The following SLC12A8 variants were observed in gnomAD, a reference collection of about 807,000 sequenced individuals.
SLC12A8 encodes the protein cation-chloride cotransporter 9.
In SLC12A8, 69 loss-of-function variants were observed where a neutral mutation model predicts 75.6. The observed-to-expected ratio is 0.91, with a 90% CI of 0.75 to 1.11. The LOEUF (loss-of-function observed/expected upper bound fraction) is 1.11. Among genes scored for constraint, SLC12A8 ranks in the 50% most tolerant of loss-of-function variants. The probability of loss-of-function intolerance (pLI) is 0.00; values close to 1 mark genes in which losing one functional copy is unlikely to be tolerated. For synonymous variants in SLC12A8, 365 were observed against 372.8 expected (o/e 0.98, Z 0.24); for missense variants, 877 against 896.7 (o/e 0.98, Z 0.28).
At chr3:125,096,881 T>C (rs536112407) in intron 10 of SLC12A8, among the ~76,000 whole-genome samples, 26 of 152,200 alleles carry the variant, frequency 1.7e-4, no homozygotes, top group African/African-American at 5.5e-4. Flanking sequence ...TCACAGTGTG[T>C]ATTTGCTTAT....
At chr3:125,129,315 C>G (rs1933296507) in intron 6 of SLC12A8, among the ~76,000 whole-genome samples, 1 of 152,188 alleles carries the variant, frequency 6.6e-6, no homozygotes, top group Non-Finnish European at 1.5e-5. Context: ...GAGGAGATGT[C>G]TGCTTCTCAG....
chr3:125,147,916 G>T (rs1416022997), intron 5 of SLC12A8, among the ~76,000 whole-genome samples: 2 of 152,182 alleles, frequency 1.3e-5, no homozygotes, highest in East Asian at 3.8e-4. Context: ...TAATGACAAT[G>T]ATTATTTATT....
chr3:125,162,398 GT>G (rs1934195017), intron 5 of SLC12A8, among the ~76,000 whole-genome samples: 1 of 152,160 alleles, frequency 6.6e-6, no homozygotes, highest in Admixed American at 6.5e-5. Flanking sequence ...GGAGCCCCCA[GT>G]GAAACCACCT....
chr3:125,154,722 C>G (rs796322564), intron 5 of SLC12A8: 50 of 152,196 alleles, frequency 3.3e-4, no homozygotes, highest in African/African-American at 1.2e-3. Flanking sequence ...AAGATATCAA[C>G]CACAATAATT....
chr3:125,200,136 T>A (rs982394488), intron 2 of SLC12A8, among the ~76,000 whole-genome samples: 26 of 152,188 alleles, frequency 1.7e-4, no homozygotes, highest in African/African-American at 6.0e-4. Context: ...TCTCACTTCA[T>A]GCATGTAGTA....
At position 125,107,637 on chromosome 3, in the gene SLC12A8, C is replaced by A. The variant is rs754215208; in HGVS notation, c.1549G>T (p.Val517Phe). The A allele has an allele frequency of 6.2e-7, 1 of 1,614,160 alleles. No homozygotes were observed. The highest frequency in any genetic ancestry group is 8.5e-7 in the Non-Finnish European group (1 of 1,180,028). Reference protein sequence around the residue: ...LDLKSPPSFPVEISDRLPAAS... With the variant: ...LDLKSPPSFPFEISDRLPAAS... ...GCGGGCAACCTGTCAGAGATCTCGA[C>A]AGGGAAAGAAGGAGGGGATTTGAGG... The change falls in exon 10 of 14, where the codon GTC (valine) becomes TTC (phenylalanine). Residue 517 changes from valine (V) to phenylalanine (F), a missense_variant. Val to Phe is a conservative substitution (Grantham distance 50). Transcript: ENST00000469902.
At chr3:125,200,434 G>A (rs533389582) in intron 2 of SLC12A8, among the ~76,000 whole-genome samples, 39 of 152,298 alleles carry the variant, frequency 2.6e-4, no homozygotes, top group African/African-American at 9.1e-4. Flanking sequence ...GGAACAGAGC[G>A]AGACTCTGTC....
chr3:125,200,729 A>T (rs1935103352), intron 2 of SLC12A8, among the ~76,000 whole-genome samples: 1 of 152,072 alleles, frequency 6.6e-6, no homozygotes, highest in South Asian at 2.1e-4. Context: ...TGTATCTCTA[A>T]GTTTTTAAAT....
At chr3:125,092,284 C>T (rs766838174) in intron 10 of SLC12A8, 86 bp from the exon 11 acceptor site, 9 of 867,792 alleles carry the variant, frequency 1.0e-5, no homozygotes, top group Non-Finnish European at 1.7e-5. Flanking sequence ...GCTCCTCTTC[C>T]CCAATTTTGT....
rs148611760 is a variant in SLC12A8, at chr3:125,099,909, C to T, written c.1705+7572G>A. Among the ~76,000 whole-genome samples the T allele has an allele frequency of 6.8e-3, 1,033 of 152,126 alleles. 6 individuals carry two copies. Among genetic ancestry groups the T allele is most frequent in the African/African-American group, 0.023 (957 of 41,480 alleles). On this transcript the variant is annotated intron_variant, in intron 10 of 13. Transcript: ENST00000469902. ...CACCATTGCACTCCAGCCTGGGCAA[C>T]AAGAGCGAAACTCTGTTTCAAAAAA...
intron 10 of SLC12A8, among the ~76,000 whole-genome samples, chr3:125,100,807 A>T (rs1938853684): frequency 6.7e-6 from 1 of 148,432 alleles, no homozygotes. Flanking sequence ...AGGTCAGGAG[A>T]TCGAGACCAT....
intron 2 of SLC12A8, among the ~76,000 whole-genome samples, chr3:125,199,396 T>C (rs930416493): frequency 1.3e-5 from 2 of 152,160 alleles, no homozygotes; most frequent in Non-Finnish European, 2.9e-5. Context: ...ATAAATAGGT[T>C]GCAAAACATT....
intron 10 of SLC12A8, among the ~76,000 whole-genome samples, chr3:125,103,938 T>C (rs1213752311): frequency 6.7e-6 from 1 of 150,324 alleles, no homozygotes; most frequent in Non-Finnish European, 1.5e-5. Context: ...CAGCGAGTGC[T>C]TCACTTTTAA....
In SLC12A8 at chr3:125,092,122, G is replaced by T. The variant is rs775429836; in HGVS notation, c.1782C>A (p.Asn594Lys). The T allele has an allele frequency of 3.7e-6, 6 of 1,612,404 alleles. No homozygotes were observed. In the African/African-American group the frequency reaches 4.0e-5, roughly 11 times the overall value. ...RSTSFYTHMCNPWVSLLGAVG... is the reference protein window; with the variant it reads ...RSTSFYTHMCKPWVSLLGAVG... ...TCACCCCCAACAGGGAGACCCAGGG[G>T]TTGCACATGTGGGTATAGAAAGAAG... The change falls in exon 11 of 14, where the codon AAC (asparagine) becomes AAA (lysine). Residue 594 changes from asparagine to lysine, a missense_variant. Physicochemically the swap from Asn to Lys is moderately conservative, Grantham distance 94. Transcript: ENST00000469902.
chr3:125,208,987 C>CT (rs1935286112), intron 2 of SLC12A8, among the ~76,000 whole-genome samples: 1 of 152,148 alleles, frequency 6.6e-6, no homozygotes, highest in Non-Finnish European at 1.5e-5. Flanking sequence ...GGTGGCATGA[C>CT]ACCCACTAGC....
intron 10 of SLC12A8, among the ~76,000 whole-genome samples, chr3:125,106,924 T>G (rs1182298392): frequency 1.3e-5 from 2 of 152,230 alleles, no homozygotes; most frequent in African/African-American, 4.8e-5. Context: ...GCACCTAGAA[T>G]ATGGTAGGTC....
At chr3:125,188,767 G>GTTT (rs1934849974) in intron 3 of SLC12A8, among the ~76,000 whole-genome samples, 2 of 152,228 alleles carry the variant, frequency 1.3e-5, no homozygotes, top group African/African-American at 4.8e-5. Flanking sequence ...CTGGAAGTCA[G>GTTT]TTGTACTCTG....
intron 9 of SLC12A8, among the ~76,000 whole-genome samples, chr3:125,109,616 C>G (rs193186651): frequency 3.3e-5 from 5 of 152,292 alleles, no homozygotes; most frequent in Admixed American, 3.3e-4. Context: ...CTTTGGTCCT[C>G]CCCTGGACTT....
At chr3:125,102,338 G>A (rs577825488) in intron 10 of SLC12A8, among the ~76,000 whole-genome samples, 17 of 152,276 alleles carry the variant, frequency 1.1e-4, no homozygotes, top group African/African-American at 2.6e-4. Flanking sequence ...AAAGCGGAAC[G>A]TACAGTGCAT....
Sources: gnomAD v4.1 joint callset for allele counts (sites outside exome capture counted in the v4.1 genomes callset) on GRCh38, gnomAD v4.1.1 for gene constraint, MANE v1.5 for transcripts, NCBI Gene and HGNC (gene_info 2026-07-23, HGNC 2026-07-21) for gene names.